PPP1R15B: variants seen among roughly 807,000 people sequenced by gnomAD.
PPP1R15B encodes the protein protein phosphatase 1 regulatory subunit 15B, also known as protein phosphatase 1, regulatory (inhibitor) subunit 15B.
A neutral mutation model predicts 53.9 loss-of-function variants in PPP1R15B; 31 were observed. The observed-to-expected ratio is 0.58, with a 90% CI of 0.43 to 0.78. PPP1R15B has a LOEUF of 0.78. PPP1R15B is among the 30% of genes least tolerant of loss of function. PPP1R15B has a pLI of 0.00. For synonymous variants in PPP1R15B, 345 were observed against 329.1 expected (o/e 1.05, Z -0.52); for missense variants, 928 against 849.6 (o/e 1.09, Z -1.15).
In PPP1R15B at chr1:204,405,111, G is replaced by A. The variant is rs1674242347; in HGVS notation, c.*981C>T. ...ATCCTGACAGGTTTTAAAAGTGACAGTGCTGAGGCATGATATTCATTAACA... is the reference window on the plus strand; with the variant it reads ...ATCCTGACAGGTTTTAAAAGTGACAATGCTGAGGCATGATATTCATTAACA... On this transcript the variant is annotated 3_prime_UTR_variant, in exon 2 of 2. Transcript: ENST00000367188. The A allele has an allele frequency of 1.0e-6, 1 of 985,778 alleles. No individual in the cohort carries two copies. The highest frequency in any genetic ancestry group is 1.2e-6 in the Non-Finnish European group (1 of 829,864). 61.1% of individuals were successfully genotyped at this position (985,778 alleles called of 1,614,324 possible).
Position 204,411,693 on chromosome 1 carries a change from A to G in PPP1R15B, c.-282T>C, listed in dbSNP as rs1443167125. ...TCGGCTCGACGCTTCAACACCATGG[A>G]TAGGAGTCCCCCCACGGCCTCGGCG... On this transcript the variant is annotated 5_prime_UTR_variant, in exon 1 of 2. Coordinates refer to ENST00000367188, the MANE Select transcript of PPP1R15B (RefSeq NM_032833.5). 1 of 527,602 alleles carries G rather than the reference A, an allele frequency of 1.9e-6. No homozygotes were observed. The highest frequency in any genetic ancestry group is 1.9e-5 in the African/African-American group (1 of 52,134). 32.7% of individuals were successfully genotyped at this position (527,602 alleles called of 1,614,324 possible).
chr1:204,409,308 T>C (rs1031658723), intron 1 of PPP1R15B, among the ~76,000 whole-genome samples, 184 bp downstream of exon 1: 10 of 152,132 alleles, frequency 6.6e-5, no homozygotes, highest in African/African-American at 1.4e-4. Flanking sequence ...ACAATGTGCA[T>C]TGGGGTGGGG....
chr1:204,399,790 G>A (rs767476678), downstream of PPP1R15B, among the ~76,000 whole-genome samples: 2 of 152,150 alleles, frequency 1.3e-5, no homozygotes, highest in Non-Finnish European at 2.9e-5. Flanking sequence ...GGGATAGAGT[G>A]ATCAGAGGGC....
At chr1:204,399,619 G>T (rs539877601), downstream of PPP1R15B, among the ~76,000 whole-genome samples, 43 of 152,070 alleles carry the variant, frequency 2.8e-4, no homozygotes, top group East Asian at 3.1e-3. Context: ...ACCAGACACA[G>T]TTCTAGGCTC....
chr1:204,409,459 C>T (rs1336736604), intron 1 of PPP1R15B, 33 bp downstream of exon 1: 3 of 1,575,006 alleles, frequency 1.9e-6, no homozygotes, highest in South Asian at 1.2e-5. Flanking sequence ...ACAGTCAGAA[C>T]ATATCAGGCA....
downstream of PPP1R15B, among the ~76,000 whole-genome samples, chr1:204,397,572 A>T (rs1674114111): frequency 6.6e-6 from 1 of 152,338 alleles, no homozygotes; most frequent in African/African-American, 2.4e-5. Context: ...ACCACAAAAA[A>T]AATGCTAAGT....
downstream of PPP1R15B, among the ~76,000 whole-genome samples, chr1:204,400,255 AAAG>A (rs1205460028): frequency 6.6e-6 from 1 of 150,386 alleles, no homozygotes; most frequent in African/African-American, 2.5e-5. Flanking sequence ...AAAAAAAAGA[AAAG>A]AAGGCTTAAC....
rs974341289 is a variant in PPP1R15B at position 204,411,189 on chromosome 1, G to C, written c.223C>G (p.Pro75Ala). 8.7e-6 allele frequency: 14 copies of C among 1,614,122 alleles called. No homozygotes were observed. The African/African-American group carries it at 1.7e-4, about 20-fold the overall frequency. Reference protein sequence around the residue: ...KLLSQLLAPLPGLLQKVLIWS... With the variant: ...KLLSQLLAPLAGLLQKVLIWS... ...ATTAGCACCTTCTGAAGCAATCCGG[G>C]GAGCGGCGCAAGGAGCTGGGAGAGC... The change falls in exon 1 of 2, where the codon CCC (proline) becomes GCC (alanine). Residue 75 changes from proline to alanine, a missense_variant. By Grantham distance (27) the Pro-to-Ala change is conservative. Transcript: ENST00000367188.
chr1:204,405,460 C>G lies in PPP1R15B; in HGVS notation c.*632G>C, dbSNP rs111886051. 7.1e-6 allele frequency: 7 copies of G among 983,622 alleles called. No individual in the cohort carries two copies. In the African/African-American group the frequency reaches 1.1e-4, roughly 15 times the overall value. The allele number at this position is 983,622 out of a possible 1,614,324, so 60.9% of individuals were successfully genotyped here. A position where few individuals can be genotyped will look rare whatever the true frequency, so the allele number is the denominator to read the frequency against. ...TTTTGTGGCAGTCCTTGGAAATATC[C>G]TAGGTAGAACTTAATGTAGAAATAA... On this transcript the variant is annotated 3_prime_UTR_variant, in exon 2 of 2. Transcript: ENST00000367188.
In PPP1R15B at chr1:204,405,643, A is replaced by G. The variant is rs1674252217; in HGVS notation, c.*449T>C. 9 of 983,260 alleles carry G rather than the reference A, an allele frequency of 9.2e-6. No homozygotes were observed. The highest frequency in any genetic ancestry group is 1.1e-5 in the Non-Finnish European group (9 of 827,588). 60.9% of individuals were successfully genotyped at this position (983,260 alleles called of 1,614,324 possible). A position where few individuals can be genotyped will look rare whatever the true frequency, so the allele number is the denominator to read the frequency against. On this transcript the variant is annotated 3_prime_UTR_variant, in exon 2 of 2. Coordinates refer to ENST00000367188, the MANE Select transcript of PPP1R15B (RefSeq NM_032833.5). Reference sequence around the variant, plus strand: ...AATAAAAAAAATATAGAAAAACATAAAAGCCCATTAACTTCTGAATTTTGG... The same window carrying G: ...AATAAAAAAAATATAGAAAAACATAGAAGCCCATTAACTTCTGAATTTTGG...
Position 204,410,757 on chromosome 1 carries a change from C to A in PPP1R15B, c.655G>T (p.Val219Leu). Residue 219 changes from valine to leucine, a missense_variant, in exon 1 of 2, where the codon GTA becomes TTA. Coordinates refer to ENST00000367188, the MANE Select transcript of PPP1R15B (RefSeq NM_032833.5). ...NIQRIDNFSV[V>L]SYLLNPSYLD... The stretch of plus-strand genomic sequence containing the variant: ...TAGGAAGGGTTCAGCAAATAGGATA[C>A]CACACTGAAATTGTCTATGCGTTGA... The A allele has an allele frequency of 6.2e-7, 1 of 1,614,196 alleles. No homozygotes were observed. Among genetic ancestry groups the A allele is most frequent in the Non-Finnish European group, 8.5e-7 (1 of 1,180,048 alleles).
rs2103448370 is a variant in PPP1R15B at position 204,410,180 on chromosome 1, C to T, written c.1232G>A (p.Gly411Asp). ...TGGTCTGGCAGAAATGGGAAGGTCACCTTCTAGGTATGAGTAATCAACTAC... is the reference window on the plus strand; with the variant it reads ...TGGTCTGGCAGAAATGGGAAGGTCATCTTCTAGGTATGAGTAATCAACTAC... ...ISVVDYSYLEGDLPISARPAC... is the reference protein window; with the variant it reads ...ISVVDYSYLEDDLPISARPAC... Residue 411 changes from glycine to aspartate, a missense_variant, in exon 1 of 2, where the codon GGT becomes GAT. By Grantham distance (94) the Gly-to-Asp change is moderately conservative. Transcript: ENST00000367188. The T allele has an allele frequency of 1.2e-6, 2 of 1,614,008 alleles. No homozygotes were observed. The highest frequency in any genetic ancestry group is 1.7e-5 in the Admixed American group (1 of 60,018).
At chr1:204,399,899 C>A (rs1465222838), downstream of PPP1R15B, among the ~76,000 whole-genome samples, 2 of 152,116 alleles carry the variant, frequency 1.3e-5, no homozygotes, top group Non-Finnish European at 2.9e-5. Context: ...CCAGATAAGT[C>A]TTTTTCAAAA....
At position 204,411,728 on chromosome 1, in the gene PPP1R15B, C is replaced by G. The variant is rs1273758016; in HGVS notation, c.-317G>C. 2 of 434,082 alleles carry G rather than the reference C, an allele frequency of 4.6e-6. No individual in the cohort carries two copies. Among genetic ancestry groups the G allele is most frequent in the Admixed American group, 8.2e-5 (2 of 24,480 alleles). 26.9% of individuals were successfully genotyped at this position (434,082 alleles called of 1,614,324 possible). ...CCCCACGGCCTCGGCGATGGTTTTC[C>G]GACTGACAGAGGGTTGAAAAGCCCC... On this transcript the variant is annotated 5_prime_UTR_variant, in exon 1 of 2. Transcript: ENST00000367188.
rs1221259504 is a variant in PPP1R15B at position 204,410,204 on chromosome 1, A to G, written c.1208T>C (p.Val403Ala). 6.2e-7 allele frequency: 1 copy of G among 1,614,124 alleles called. No individual in the cohort carries two copies. Among genetic ancestry groups the G allele is most frequent in the Admixed American group, 1.7e-5 (1 of 60,026 alleles). ...ACCTTCTAGGTATGAGTAATCAACT[A>G]CACTTATTCGGCCCTCTCCAGGCTC... ...EKEPGEGRIS[V>A]VDYSYLEGDL... The change falls in exon 1 of 2, where the codon GTA (valine) becomes GCA (alanine). Residue 403 changes from valine to alanine, a missense_variant. Val to Ala is a moderately conservative substitution (Grantham distance 64, BLOSUM62 0). Coordinates refer to ENST00000367188, the MANE Select transcript of PPP1R15B (RefSeq NM_032833.5).
downstream of PPP1R15B, chr1:204,400,937 C>T (rs1227956408): frequency 6.2e-6 from 1 of 161,314 alleles, no homozygotes; most frequent in African/African-American, 2.4e-5. Flanking sequence ...TGTTGTACAG[C>T]TTTCCAGGCC....
chr1:204,407,992 G>A (rs181451943), intron 1 of PPP1R15B, among the ~76,000 whole-genome samples: 10 of 152,194 alleles, frequency 6.6e-5, no homozygotes, highest in Non-Finnish European at 1.5e-5. Flanking sequence ...TTTACTCAAC[G>A]AGCAAGCTAA....
In PPP1R15B at chr1:204,404,889, T is replaced by C. The variant is rs1674238153; in HGVS notation, c.*1203A>G. On this transcript the variant is annotated 3_prime_UTR_variant, in exon 2 of 2. Transcript: ENST00000367188. ...TCAATGCAAAGACTTCAATTCAAAG[T>C]AACCTTTGGGCTAAATATATTAAAA... The C allele has an allele frequency of 1.0e-6, 1 of 985,664 alleles. No individual in the cohort carries two copies. Among genetic ancestry groups the C allele is most frequent in the African/African-American group, 1.7e-5 (1 of 57,248 alleles). 61.1% of individuals were successfully genotyped at this position (985,664 alleles called of 1,614,324 possible). A position where few individuals can be genotyped will look rare whatever the true frequency, so the allele number is the denominator to read the frequency against.
In PPP1R15B at chr1:204,410,957, G is replaced by T; in HGVS notation, c.455C>A (p.Ser152Ter). 1 of 1,614,154 alleles carries T rather than the reference G, an allele frequency of 6.2e-7. No individual in the cohort carries two copies. The highest frequency in any genetic ancestry group is 8.5e-7 in the Non-Finnish European group (1 of 1,180,014). The part of the protein sequence containing the change: ...WLEEGIHWQY[S>*]PPDLKLELKA... ...AAGCTCCAATTTTAGGTCTGGGGGC[G>T]AGTATTGCCAGTGGATCCCCTCCTC... Residue 152 changes from serine (S) to a stop codon, truncating the protein, a stop_gained, in exon 1 of 2, where the codon TCG (serine) becomes TAG (stop). Coordinates refer to ENST00000367188, the MANE Select transcript of PPP1R15B (RefSeq NM_032833.5). LOFTEE classifies it high-confidence loss of function.
Sources: allele counts gnomAD v4.1 joint callset (sites outside exome capture counted in the v4.1 genomes callset), GRCh38; gene constraint gnomAD v4.1.1; transcripts MANE v1.5; gene names NCBI Gene and HGNC (gene_info 2026-07-23, HGNC 2026-07-21).